Variants in MRTFB observed in about 807,000 individuals in gnomAD.
MRTFB encodes the protein myocardin-related transcription factor B.
In MRTFB, 29 loss-of-function variants were observed where a neutral mutation model predicts 104.2. The observed-to-expected ratio is 0.28, with a 90% CI of 0.21 to 0.38. The LOEUF (loss-of-function observed/expected upper bound fraction) is 0.38. Among genes scored for constraint, MRTFB ranks in the 10% least tolerant of loss-of-function variants. MRTFB has a pLI of 1.00. For synonymous variants in MRTFB, 535 were observed against 519.5 expected, an observed-to-expected ratio of 1.03 and a Z score of -0.41; for missense variants, 1,270 against 1,341.6, an observed-to-expected ratio of 0.95 and a Z score of 0.83.
At chr16:14,240,894 T>G (rs934147755) in intron 10 of MRTFB, 4 of 619,498 alleles carry the variant, frequency 6.5e-6, no homozygotes, top group Admixed American at 5.8e-5. Context: ...ACAGGATCTT[T>G]GTATATAGAA....
chr16:14,058,876 G>A, the MRTFB span, among the ~76,000 whole-genome samples: 28 of 151,658 alleles, frequency 1.8e-4, no homozygotes, highest in African/African-American at 6.5e-4. Flanking sequence ...GTGCCACCAC[G>A]CCCAGCTAAT....
chr16:14,187,130 C>G, intron 3 of MRTFB: 4 of 1,001,650 alleles, frequency 4.0e-6, no homozygotes, highest in Non-Finnish European at 5.8e-6. Flanking sequence ...TGTGTCTGCT[C>G]TCTCTGTTCA....
At chr16:14,135,658 C>G (rs2037675355) in intron 2 of MRTFB, among the ~76,000 whole-genome samples, 1 of 152,186 alleles carries the variant, frequency 6.6e-6, no homozygotes, top group African/African-American at 2.4e-5. Flanking sequence ...TGTCTTCATT[C>G]CTCAGCATTT....
intron 2 of MRTFB, among the ~76,000 whole-genome samples, chr16:14,083,911 A>T (rs74473164): frequency 6.2e-4 from 95 of 152,296 alleles, no homozygotes; most frequent in African/African-American, 2.3e-3. Context: ...GGAGACAAAA[A>T]ATAGTATTTT....
intron 8 of MRTFB, among the ~76,000 whole-genome samples, chr16:14,226,217 G>A (rs942425483): frequency 1.3e-5 from 2 of 152,092 alleles, no homozygotes; most frequent in Admixed American, 1.3e-4. Flanking sequence ...TGCAGAAATA[G>A]AAAAATCTTA....
chr16:14,048,178 G>T, the MRTFB span, among the ~76,000 whole-genome samples: 3 of 152,152 alleles, frequency 2.0e-5, no homozygotes, highest in African/African-American at 7.2e-5. Flanking sequence ...GATCTCCTTT[G>T]ACTCCATGTC....
intron 2 of MRTFB, among the ~76,000 whole-genome samples, chr16:14,128,291 C>T (rs1204349623): frequency 2.0e-5 from 3 of 152,058 alleles, no homozygotes; most frequent in Non-Finnish European, 2.9e-5. Flanking sequence ...AGTTTTTGGC[C>T]TCCCTGACCT....
Position 14,071,319 on chromosome 16 carries a change from G to T in MRTFB, c.-175G>T. The T allele has an allele frequency of 6.0e-6, 1 of 166,176 alleles. No homozygotes were observed. The highest frequency in any genetic ancestry group is 1.3e-5 in the Non-Finnish European group (1 of 79,638). The allele number at this position is 166,176 out of a possible 1,614,324, so 10.3% of individuals were successfully genotyped here. On this transcript the variant is annotated 5_prime_UTR_variant, in exon 1 of 17. Transcript: ENST00000571589. ...AGTGCCGAGGGGAGCGAAGTCTCGC[G>T]AGATCGCGCGGCGGCGGCGGGAGCG...
At chr16:14,122,456 C>G (rs2036899178) in intron 2 of MRTFB, among the ~76,000 whole-genome samples, 1 of 151,970 alleles carries the variant, frequency 6.6e-6, no homozygotes, top group Non-Finnish European at 1.5e-5. Context: ...TGCAACAGGC[C>G]CTGGTGTGTG....
In MRTFB at chr16:14,212,286, G is replaced by T. The variant is rs879092290; in HGVS notation, c.221-68G>T. On this transcript the variant is annotated intron_variant, in intron 4 of 16. Coordinates refer to ENST00000571589, the MANE Select transcript of MRTFB (RefSeq NM_001308142.2). ...TGTTAATAATAGGGTTATCACCATG[G>T]TATACTATAACATTGGACTGAAGTA... The T allele has an allele frequency of 1.8e-4, 266 of 1,462,006 alleles. 12 individuals are homozygous for T. The South Asian group carries it at 3.1e-3, about 17-fold the overall frequency. The allele number at this position is 1,462,006 out of a possible 1,614,324, so 90.6% of individuals were successfully genotyped here.
intron 15 of MRTFB, among the ~76,000 whole-genome samples, chr16:14,255,613 C>T (rs1464511291): frequency 3.3e-5 from 5 of 152,110 alleles, no homozygotes; most frequent in African/African-American, 1.2e-4. Flanking sequence ...CCAAAGATAA[C>T]ACTGTCTTGA....
At chr16:14,039,485 AGG>A in the MRTFB span, among the ~76,000 whole-genome samples, 1 of 152,128 alleles carries the variant, frequency 6.6e-6, no homozygotes, top group Non-Finnish European at 1.5e-5. Context: ...AGGATCACTG[AGG>A]GCCATCTCAG....
chr16:14,033,997 G>T, the MRTFB span, among the ~76,000 whole-genome samples: 3,494 of 152,232 alleles, frequency 0.023, 149 homozygotes, highest in African/African-American at 0.081. Context: ...GCTGTGTGTG[G>T]CTATGAGTGC....
At chr16:14,017,130 C>T in the MRTFB span, among the ~76,000 whole-genome samples, 2 of 146,926 alleles carry the variant, frequency 1.4e-5, no homozygotes, top group Non-Finnish European at 3.0e-5. Flanking sequence ...AATCTCGGCT[C>T]ACTACAAGCT....
At chr16:14,165,883 C>T (rs2039218412) in intron 3 of MRTFB, among the ~76,000 whole-genome samples, 1 of 152,150 alleles carries the variant, frequency 6.6e-6, no homozygotes, top group African/African-American at 2.4e-5. Context: ...TTTAGCATTC[C>T]CTGTTTTTCA....
rs1438961830 is a variant in MRTFB at position 14,143,262 on chromosome 16, CA to C, written c.154+2503del. 14 of 147,598 alleles carry C rather than the reference CA, an allele frequency of 9.5e-5. No homozygotes were observed. The East Asian group carries it at 2.6e-3, about 28-fold the overall frequency. 9.1% of individuals were successfully genotyped at this position (147,598 alleles called of 1,614,324 possible). On this transcript the variant is annotated intron_variant, in intron 3 of 16. Coordinates refer to ENST00000571589, the MANE Select transcript of MRTFB (RefSeq NM_001308142.2). ...TTTTAATGTTGTCTTTCTTTAGTAA[CA>C]GTCAAAATACCACACAGAAAATAAC...
chr16:14,004,522 A>G, the MRTFB span, among the ~76,000 whole-genome samples: 2 of 152,132 alleles, frequency 1.3e-5, no homozygotes, highest in African/African-American at 4.8e-5. Flanking sequence ...CACCATGATC[A>G]GGCTCTCCCC....
At chr16:13,998,402 C>T in the MRTFB span, among the ~76,000 whole-genome samples, 1 of 152,118 alleles carries the variant, frequency 6.6e-6, no homozygotes, top group Admixed American at 6.6e-5. Flanking sequence ...TGCCTATAAT[C>T]CCAACACTTT....
intron 3 of MRTFB, among the ~76,000 whole-genome samples, chr16:14,169,267 C>G (rs1435464833): frequency 6.6e-6 from 1 of 152,096 alleles, no homozygotes; most frequent in African/African-American, 2.4e-5. Flanking sequence ...CTTAAAATGT[C>G]CTTATTTGAG....
Sources: gnomAD v4.1 joint callset for allele counts (sites outside exome capture counted in the v4.1 genomes callset) on GRCh38, gnomAD v4.1.1 for gene constraint, MANE v1.5 for transcripts, NCBI Gene and HGNC (gene_info 2026-07-23, HGNC 2026-07-21) for gene names.